Variants in KIAA0586 observed in about 807,000 individuals in gnomAD.
KIAA0586 encodes the protein KIAA0586.
Under a neutral mutation model 169.8 loss-of-function variants are expected in KIAA0586, and 144 were observed. The ratio of observed to expected loss-of-function variants is 0.85; its 90% CI spans 0.74 to 0.97. The LOEUF (loss-of-function observed/expected upper bound fraction) is 0.97, where lower values mean the gene tolerates loss of function less well. Among genes scored for constraint, KIAA0586 ranks in the 50% least tolerant of loss-of-function variants. KIAA0586 has a pLI of 0.00. For synonymous variants in KIAA0586, 625 were observed against 612.4 expected, an observed-to-expected ratio of 1.02 and a Z score of -0.30; for missense variants, 1,854 against 1,823.0, an observed-to-expected ratio of 1.02 and a Z score of -0.31.
chr14:58,467,299 T>A (rs1380550897), intron 15 of KIAA0586, among the ~76,000 whole-genome samples: 2 of 152,194 alleles, frequency 1.3e-5, no homozygotes, highest in Non-Finnish European at 2.9e-5. Flanking sequence ...AAGGGTTACA[T>A]AATTTGTCAA....
intron 4 of KIAA0586, among the ~76,000 whole-genome samples, chr14:58,437,535 A>T (rs900367761): frequency 8.6e-5 from 13 of 151,582 alleles, no homozygotes; most frequent in African/African-American, 3.2e-4. Flanking sequence ...ACATAGCAAG[A>T]CCCCATCTCT....
chr14:58,513,114 TA>T (rs1332891707), intron 29 of KIAA0586, among the ~76,000 whole-genome samples: 6 of 152,102 alleles, frequency 3.9e-5, no homozygotes, highest in African/African-American at 1.4e-4. Context: ...TGGTTACCTT[TA>T]ATTCCACAGT....
intron 19 of KIAA0586, among the ~76,000 whole-genome samples, chr14:58,475,009 A>G (rs1356115293): frequency 2.0e-5 from 3 of 152,128 alleles, no homozygotes; most frequent in African/African-American, 2.4e-5. Context: ...CAATCTGTCT[A>G]CTCTGGCACA....
intron 29 of KIAA0586, chr14:58,537,274 C>A: frequency 1.4e-6 from 1 of 723,248 alleles, no homozygotes; most frequent in Non-Finnish European, 1.7e-6. Context: ...AAGTCAAGAT[C>A]CTCCCCCAGT....
chr14:58,433,579 T>C (rs771646837), intron 4 of KIAA0586, among the ~76,000 whole-genome samples: 2 of 152,208 alleles, frequency 1.3e-5, no homozygotes, highest in African/African-American at 2.4e-5. Context: ...TACATAGATA[T>C]CTGATTTTAT....
rs560299944 is a variant in KIAA0586 at position 58,521,613 on chromosome 14, G to A, written c.4429+8986G>A. 2.4e-5 allele frequency: 25 copies of A among 1,041,570 alleles called. No individual in the cohort carries two copies. In the East Asian group the frequency reaches 3.0e-4, roughly 13 times the overall value. 64.5% of individuals were successfully genotyped at this position (1,041,570 alleles called of 1,614,324 possible). The stretch of plus-strand genomic sequence containing the variant: ...GGCTTCAATTCTAAGAGAGGACAGC[G>A]GGGATCTTCCAAGTCTGGAAAGTTG... On this transcript the variant is annotated intron_variant, in intron 29 of 30. Coordinates refer to ENST00000652326, the MANE Select transcript of KIAA0586 (RefSeq NM_001329943.3).
intron 19 of KIAA0586, among the ~76,000 whole-genome samples, chr14:58,476,152 A>C (rs910528566): frequency 2.0e-5 from 3 of 152,164 alleles, no homozygotes; most frequent in African/African-American, 7.2e-5. Context: ...AAAAGCATAC[A>C]TACCAAATTA....
intron 6 of KIAA0586, among the ~76,000 whole-genome samples, chr14:58,444,714 A>G (rs1467044330): frequency 6.6e-6 from 1 of 151,990 alleles, no homozygotes; most frequent in Non-Finnish European, 1.5e-5. Context: ...GTGAGCTGCC[A>G]TGCCCAGCCA....
intron 29 of KIAA0586, among the ~76,000 whole-genome samples, chr14:58,526,699 A>T (rs1354689594): frequency 2.0e-5 from 3 of 152,164 alleles, no homozygotes; most frequent in Admixed American, 6.5e-5. Flanking sequence ...CTGGATGGAG[A>T]ATGAATTTGA....
intron 27 of KIAA0586, among the ~76,000 whole-genome samples, chr14:58,501,610 A>ATTTG (rs3041107): frequency 1 from 151,834 of 152,302 alleles, 75,686 homozygotes; most frequent in Middle Eastern, 1. Flanking sequence ...CATTGTAGGT[A>ATTTG]TTTAATTGGA....
At chr14:58,497,479 C>T (rs1419636300) in intron 26 of KIAA0586, among the ~76,000 whole-genome samples, 1 of 151,704 alleles carries the variant, frequency 6.6e-6, no homozygotes, top group Non-Finnish European at 1.5e-5. Flanking sequence ...CCTGCCTCAG[C>T]CTCCCAGGTA....
Position 58,456,732 on chromosome 14 carries a change from TA to T in KIAA0586, c.1287del (p.Val430Ter), listed in dbSNP as rs1259369987. On this transcript the variant is annotated frameshift_variant, in exon 10 of 31. Transcript: ENST00000652326. LOFTEE classifies it high-confidence loss of function. ...FPSCEELETT[K>X]VTMQKSDDVL... ...CTTCCTGTGAAGAGCTAGAAACAACTAAAGTGACTATGCAGAAGTCTGATGA... is the reference window on the plus strand; with the variant it reads ...CTTCCTGTGAAGAGCTAGAAACAACTAAGTGACTATGCAGAAGTCTGATGA... 2 of 1,605,020 alleles carry T rather than the reference TA, an allele frequency of 1.2e-6. No individual in the cohort carries two copies. The highest frequency in any genetic ancestry group is 1.7e-6 in the Non-Finnish European group (2 of 1,175,018).
At chr14:58,539,928 C>T (rs762092640) in intron 29 of KIAA0586, 143 bp from the exon 30 acceptor site, 9 of 551,414 alleles carry the variant, frequency 1.6e-5, no homozygotes, top group Non-Finnish European at 2.9e-5. Flanking sequence ...ATTCAGGCCA[C>T]TAGATCAAAC....
chr14:58,442,929 G>C (rs971392851), intron 5 of KIAA0586, 49 bp downstream of exon 5: 1 of 1,336,176 alleles, frequency 7.5e-7, no homozygotes, highest in South Asian at 1.3e-5. Context: ...AAATATAGAA[G>C]TACTTACTAA....
intron 8 of KIAA0586, among the ~76,000 whole-genome samples, chr14:58,451,720 G>A (rs1306618141): frequency 1.3e-5 from 2 of 152,040 alleles, no homozygotes; most frequent in Admixed American, 6.6e-5. Flanking sequence ...GTCTCGCTCT[G>A]TCACCCGGGC....
At chr14:58,453,751 A>G (rs1207803985) in intron 9 of KIAA0586, among the ~76,000 whole-genome samples, 1 of 152,110 alleles carries the variant, frequency 6.6e-6, no homozygotes, top group African/African-American at 2.4e-5. Context: ...ATAATCCAAG[A>G]TAGGTTAGGG....
chr14:58,433,217 C>A (rs753645089), intron 4 of KIAA0586: 2 of 152,294 alleles, frequency 1.3e-5, no homozygotes, highest in African/African-American at 2.4e-5. Flanking sequence ...CAGGCACACA[C>A]TACCACGCCT....
the KIAA0586 span, among the ~76,000 whole-genome samples, chr14:58,560,825 T>A: frequency 7.9e-5 from 12 of 152,192 alleles, no homozygotes; most frequent in Non-Finnish European, 1.8e-4. Flanking sequence ...GGGAGCTAAT[T>A]TTTTGAGGCA....
chr14:58,449,916 A>G (rs1004872545), intron 7 of KIAA0586, among the ~76,000 whole-genome samples: 2 of 152,150 alleles, frequency 1.3e-5, no homozygotes, highest in African/African-American at 4.8e-5. Flanking sequence ...TTAAACTTTT[A>G]ATTTTTCTAT....
Sources: gnomAD v4.1 joint callset for allele counts (sites outside exome capture counted in the v4.1 genomes callset) on GRCh38, gnomAD v4.1.1 for gene constraint, MANE v1.5 for transcripts, NCBI Gene and HGNC (gene_info 2026-07-23, HGNC 2026-07-21) for gene names.